Variants in HS6ST3 observed in about 807,000 individuals in gnomAD.
HS6ST3 encodes heparan sulfate 6-O-sulfotransferase 3.
Under a neutral mutation model 36.7 loss-of-function variants are expected in HS6ST3, and 12 were observed. That is an observed-to-expected ratio of 0.33 (90% CI 0.21 to 0.53). The LOEUF (loss-of-function observed/expected upper bound fraction) is 0.53. HS6ST3 is among the 20% of genes least tolerant of loss of function. The probability of loss-of-function intolerance (pLI) is 0.95; values close to 1 mark genes in which losing one functional copy is unlikely to be tolerated. For synonymous variants in HS6ST3, 240 were observed against 257.5 expected (o/e 0.93, Z 0.65); for missense variants, 584 against 640.9 (o/e 0.91, Z 0.96).
At chr13:96,639,747 A>T (rs2056563485) in intron 1 of HS6ST3, among the ~76,000 whole-genome samples, 1 of 151,872 alleles carries the variant, frequency 6.6e-6, no homozygotes, top group Non-Finnish European at 1.5e-5. Context: ...AGCCATCTTT[A>T]TGTCCTCAAA....
intron 1 of HS6ST3, among the ~76,000 whole-genome samples, chr13:96,799,116 C>T (rs751019119): frequency 5.3e-5 from 8 of 152,104 alleles, no homozygotes; most frequent in Non-Finnish European, 1.0e-4. Context: ...AGGGCTTCGA[C>T]TTATGAATCT....
intron 1 of HS6ST3, among the ~76,000 whole-genome samples, chr13:96,190,117 G>A (rs1416749638): frequency 6.6e-6 from 1 of 152,196 alleles, no homozygotes; most frequent in African/African-American, 2.4e-5. Context: ...ATGTCCAATG[G>A]AAGCTTATAT....
intron 1 of HS6ST3, among the ~76,000 whole-genome samples, chr13:96,460,714 C>T (rs750670991): frequency 8.5e-5 from 13 of 152,164 alleles, no homozygotes; most frequent in Non-Finnish European, 1.5e-4. Context: ...ATAACAGAGG[C>T]TTTAAGAATT....
chr13:96,642,132 G>A (rs1008801076), intron 1 of HS6ST3, among the ~76,000 whole-genome samples: 2 of 151,560 alleles, frequency 1.3e-5, no homozygotes, highest in Non-Finnish European at 3.0e-5. Context: ...CTTCATTTTT[G>A]AAGAATTTTG....
At position 96,281,375 on chromosome 13, in the gene HS6ST3, A is replaced by T. The variant is rs1393284985; in HGVS notation, c.707+189806A>T. On this transcript the variant is annotated intron_variant, in intron 1 of 1. Transcript: ENST00000376705. ...AAGAAAATCAGCCAGTTTCTCATAAATGTGAGTATTGTTAACAAGAAAACT... is the reference window on the plus strand; with the variant it reads ...AAGAAAATCAGCCAGTTTCTCATAATTGTGAGTATTGTTAACAAGAAAACT... Among the ~76,000 whole-genome samples, 4 of 152,296 alleles carry T rather than the reference A, an allele frequency of 2.6e-5. No individual in the cohort carries two copies. The East Asian group carries it at 7.7e-4, about 29-fold the overall frequency.
intron 1 of HS6ST3, among the ~76,000 whole-genome samples, chr13:96,471,984 A>C (rs777384104): frequency 6.6e-6 from 1 of 152,100 alleles, no homozygotes; most frequent in Non-Finnish European, 1.5e-5. Flanking sequence ...GGCAGAGGCT[A>C]CCTGGGGCTT....
chr13:96,316,508 A>G (rs147477040), intron 1 of HS6ST3, among the ~76,000 whole-genome samples: 2 of 152,292 alleles, frequency 1.3e-5, no homozygotes, highest in East Asian at 3.9e-4. Flanking sequence ...ATGCAGCTCT[A>G]GCAATGGAGA....
At chr13:96,474,350 G>T (rs528197843) in intron 1 of HS6ST3, among the ~76,000 whole-genome samples, 5 of 152,198 alleles carry the variant, frequency 3.3e-5, no homozygotes, top group Non-Finnish European at 7.3e-5. Flanking sequence ...CATTGAGTAG[G>T]TTAGCTTAGG....
At chr13:96,498,694 T>A (rs992599737) in intron 1 of HS6ST3, among the ~76,000 whole-genome samples, 2 of 152,238 alleles carry the variant, frequency 1.3e-5, no homozygotes, top group Non-Finnish European at 2.9e-5. Context: ...CCCTTTGTAA[T>A]GTCACTGTTC....
chr13:96,390,257 C>T (rs774061680), intron 1 of HS6ST3, among the ~76,000 whole-genome samples: 13 of 152,058 alleles, frequency 8.5e-5, no homozygotes, highest in Non-Finnish European at 1.6e-4. Flanking sequence ...CATATAAGAA[C>T]GTTAAAGATA....
At chr13:96,465,478 G>A (rs1007145621) in intron 1 of HS6ST3, among the ~76,000 whole-genome samples, 1 of 152,182 alleles carries the variant, frequency 6.6e-6, no homozygotes, top group African/African-American at 2.4e-5. Context: ...ATGAAAAGAA[G>A]CAAGCCTCCA....
At chr13:96,414,487 T>C (rs1335768053) in intron 1 of HS6ST3, among the ~76,000 whole-genome samples, 1 of 152,224 alleles carries the variant, frequency 6.6e-6, no homozygotes, top group Non-Finnish European at 1.5e-5. Flanking sequence ...TTTTCTTTCT[T>C]TCTTTTTTTT....
intron 1 of HS6ST3, among the ~76,000 whole-genome samples, chr13:96,132,344 A>C (rs945595551): frequency 6.6e-6 from 1 of 151,908 alleles, no homozygotes; most frequent in African/African-American, 2.4e-5. Context: ...ATCATATGGT[A>C]GTTCTATTTT....
chr13:96,518,213 T>C (rs1469445400), intron 1 of HS6ST3, among the ~76,000 whole-genome samples: 1 of 152,210 alleles, frequency 6.6e-6, no homozygotes, highest in African/African-American at 2.4e-5. Flanking sequence ...TAACAGATTT[T>C]TATTAAAATA....
At chr13:96,590,938 GAA>G (rs910359315) in intron 1 of HS6ST3, among the ~76,000 whole-genome samples, 1 of 152,022 alleles carries the variant, frequency 6.6e-6, no homozygotes, top group Non-Finnish European at 1.5e-5. Context: ...ACCATTTATT[GAA>G]GAGACTGTCT....
intron 1 of HS6ST3, among the ~76,000 whole-genome samples, chr13:96,520,630 C>A (rs371252771): frequency 6.7e-6 from 1 of 148,330 alleles, no homozygotes; most frequent in Non-Finnish European, 1.5e-5. Context: ...GTGAATGTAG[C>A]AATTTGGCTC....
intron 1 of HS6ST3, among the ~76,000 whole-genome samples, chr13:96,124,891 A>G (rs996794202): frequency 1.3e-4 from 20 of 152,334 alleles, no homozygotes; most frequent in Admixed American, 2.6e-4. Flanking sequence ...CCACCCCTGA[A>G]TATAGACTGA....
chr13:96,160,897 G>A (rs1429714068), intron 1 of HS6ST3, among the ~76,000 whole-genome samples: 1 of 152,164 alleles, frequency 6.6e-6, no homozygotes, highest in Non-Finnish European at 1.5e-5. Flanking sequence ...ACAAAGGGAG[G>A]TGGTACTTGA....
intron 1 of HS6ST3, among the ~76,000 whole-genome samples, chr13:96,174,621 A>G (rs1195043406): frequency 6.6e-6 from 1 of 152,116 alleles, no homozygotes; most frequent in African/African-American, 2.4e-5. Flanking sequence ...CCCCATTTTT[A>G]GTTCAATTGC....
Sources: allele counts gnomAD v4.1 joint callset (sites outside exome capture counted in the v4.1 genomes callset), GRCh38; gene constraint gnomAD v4.1.1; transcripts MANE v1.5; gene names NCBI Gene and HGNC (gene_info 2026-07-23, HGNC 2026-07-21).